GPHN: variants seen among roughly 807,000 people sequenced by gnomAD.
GPHN encodes gephyrin.
A neutral mutation model predicts 95.5 loss-of-function variants in GPHN; 17 were observed. That is an observed-to-expected ratio of 0.18 (90% confidence interval 0.12 to 0.27). The LOEUF is 0.27. Among genes scored for constraint, GPHN ranks in the 10% least tolerant of loss-of-function variants. The pLI, the probability that GPHN is intolerant of heterozygous loss-of-function variation, is 1.00. For missense variants in GPHN, 660 were observed against 978.1 expected, an observed-to-expected ratio of 0.67 and a Z score of 4.34; for synonymous variants, 320 against 322.5, an observed-to-expected ratio of 0.99 and a Z score of 0.08.
At chr14:67,016,497 G>A (rs1057410032) in intron 9 of GPHN, among the ~76,000 whole-genome samples, 50 of 151,804 alleles carry the variant, frequency 3.3e-4, no homozygotes, top group African/African-American at 1.0e-3. Flanking sequence ...AATGAAAGAA[G>A]ATAATAAATA....
intron 1 of GPHN, among the ~76,000 whole-genome samples, chr14:66,530,486 C>T (rs1367891848): frequency 6.6e-6 from 1 of 151,922 alleles, no homozygotes; most frequent in Non-Finnish European, 1.5e-5. Context: ...CCAGGTACCA[C>T]TGGGGTATGA....
intron 1 of GPHN, among the ~76,000 whole-genome samples, chr14:66,515,937 T>C (rs140324431): frequency 2.1e-4 from 32 of 152,330 alleles, no homozygotes; most frequent in African/African-American, 6.7e-4. Flanking sequence ...AAGGTGCTTT[T>C]ATATTTTATT....
chr14:66,918,138 C>A (rs374069048), intron 6 of GPHN, among the ~76,000 whole-genome samples: 2 of 152,142 alleles, frequency 1.3e-5, no homozygotes, highest in Non-Finnish European at 2.9e-5. Context: ...GGAAAGAATA[C>A]GGATTAAAGT....
chr14:66,841,200 A>G (rs765026981), intron 4 of GPHN, among the ~76,000 whole-genome samples: 4 of 152,110 alleles, frequency 2.6e-5, no homozygotes, highest in East Asian at 1.9e-4. Context: ...GGTAAGCGCT[A>G]TGTTTAAAAA....
chr14:67,234,299 A>G, the GPHN span, among the ~76,000 whole-genome samples: 1 of 152,188 alleles, frequency 6.6e-6, no homozygotes, highest in South Asian at 2.1e-4. Context: ...ATACAAAGAG[A>G]TAAATAAGAG....
chr14:67,191,250 C>G, the GPHN span, among the ~76,000 whole-genome samples: 1 of 152,168 alleles, frequency 6.6e-6, no homozygotes. Flanking sequence ...AAACAGCCAT[C>G]ATGTAATTAC....
intron 2 of GPHN, among the ~76,000 whole-genome samples, chr14:66,683,361 T>TGTTCATATATATGTATGTTC (rs1332431980): frequency 2.4e-5 from 2 of 84,922 alleles, no homozygotes; most frequent in African/African-American, 1.3e-4. Context: ...TATATATATA[T>TGTTCATATATATGTATGTTC]ATATATATAT....
the GPHN span, chr14:67,691,780 T>C: frequency 6.4e-6 from 1 of 155,766 alleles, no homozygotes; most frequent in African/African-American, 2.4e-5. Flanking sequence ...TAAGGGGATA[T>C]GCCTATAGAG....
chr14:66,586,848 A>G (rs2061440978), intron 1 of GPHN, among the ~76,000 whole-genome samples: 1 of 152,164 alleles, frequency 6.6e-6, no homozygotes. Flanking sequence ...AAAGGACTAG[A>G]AAAAACAACA....
intron 9 of GPHN, among the ~76,000 whole-genome samples, chr14:67,002,484 C>G (rs2072303245): frequency 6.6e-6 from 1 of 150,906 alleles, no homozygotes; most frequent in Non-Finnish European, 1.5e-5. Context: ...AAAAATGTTC[C>G]TGCTTGGCAG....
chr14:67,419,793 A>G, the GPHN span, among the ~76,000 whole-genome samples: 46 of 151,920 alleles, frequency 3.0e-4, no homozygotes, highest in South Asian at 3.7e-3. Context: ...AGCTTACAGT[A>G]AGCCGAGATC....
chr14:67,472,648 C>G, the GPHN span: 2 of 152,904 alleles, frequency 1.3e-5, no homozygotes, highest in African/African-American at 4.8e-5. Flanking sequence ...AGCTCCTGTG[C>G]TGGCTAGGGA....
At chr14:67,507,391 C>G in the GPHN span, among the ~76,000 whole-genome samples, 2 of 152,022 alleles carry the variant, frequency 1.3e-5, no homozygotes, top group South Asian at 4.2e-4. Flanking sequence ...CAACCAGAGA[C>G]CTCAAGTTCT....
At chr14:67,534,211 A>C in the GPHN span, among the ~76,000 whole-genome samples, 1 of 152,186 alleles carries the variant, frequency 6.6e-6, no homozygotes, top group Non-Finnish European at 1.5e-5. Context: ...TGAACGCTTT[A>C]TAGAACATCG....
At chr14:67,177,250 C>T (rs780074416) in intron 21 of GPHN, among the ~76,000 whole-genome samples, 3 of 152,244 alleles carry the variant, frequency 2.0e-5, no homozygotes, top group South Asian at 2.1e-4. Context: ...TTGCTTTAAA[C>T]GTGTCCCAAA....
the GPHN span, among the ~76,000 whole-genome samples, chr14:67,638,926 A>C: frequency 2.0e-5 from 3 of 152,360 alleles, no homozygotes; most frequent in East Asian, 5.8e-4. Flanking sequence ...TGGGAAACCA[A>C]CTGAATAGCC....
intron 1 of GPHN, among the ~76,000 whole-genome samples, chr14:66,602,396 TTA>T (rs2062296705): frequency 6.6e-6 from 1 of 151,984 alleles, no homozygotes; most frequent in Non-Finnish European, 1.5e-5. Flanking sequence ...TCAGAGAATG[TTA>T]GGTAATTTCC....
rs2058737291 is a variant in GPHN at position 66,761,096 on chromosome 14, T to C, written c.144-15368T>C. ...TTGGAACTGCTAAATTATTAGTTTATTTTTTACATAGGTCACTTAAATGAA... is the reference window on the plus strand; with the variant it reads ...TTGGAACTGCTAAATTATTAGTTTACTTTTTACATAGGTCACTTAAATGAA... On this transcript the variant is annotated intron_variant, in intron 2 of 22. Coordinates refer to ENST00000478722, the MANE Select transcript of GPHN (RefSeq NM_020806.5). 3 of 383,470 alleles carry C rather than the reference T, an allele frequency of 7.8e-6. No individual in the cohort carries two copies. The Admixed American group carries it at 1.1e-4, about 14-fold the overall frequency. The allele number at this position is 383,470 out of a possible 1,614,324, so 23.8% of individuals were successfully genotyped here. A position where few individuals can be genotyped will look rare whatever the true frequency, so the allele number is the denominator to read the frequency against.
At chr14:67,062,542 A>G (rs866660506) in intron 11 of GPHN, among the ~76,000 whole-genome samples, 3 of 152,232 alleles carry the variant, frequency 2.0e-5, no homozygotes, top group African/African-American at 4.8e-5. Flanking sequence ...AGGACTTAAC[A>G]TGTAGAGAAA....
Sources: allele counts gnomAD v4.1 joint callset (sites outside exome capture counted in the v4.1 genomes callset), GRCh38; gene constraint gnomAD v4.1.1; transcripts MANE v1.5; gene names NCBI Gene and HGNC (gene_info 2026-07-23, HGNC 2026-07-21).